Variants in MRPL38 observed in about 807,000 individuals in gnomAD.
MRPL38 encodes mitochondrial ribosomal protein L38, also known as large ribosomal subunit protein mL38.
A neutral mutation model predicts 52.1 loss-of-function variants in MRPL38; 51 were observed. That is an observed-to-expected ratio of 0.98 (90% CI 0.78 to 1.24). The LOEUF (loss-of-function observed/expected upper bound fraction) is 1.24, where lower values mean the gene tolerates loss of function less well. MRPL38 is among the 50% of genes most tolerant of loss of function. The pLI is 0.00. For missense variants in MRPL38, 527 were observed against 518.6 expected (o/e 1.02, Z -0.16); for synonymous variants, 245 against 212.7 (o/e 1.15, Z -1.32).
chr17:75,899,326 G>A (rs1432685459), intron 7 of MRPL38, 32 bp from the exon 8 acceptor site: 1 of 1,605,720 alleles, frequency 6.2e-7, no homozygotes, highest in Non-Finnish European at 8.5e-7. Flanking sequence ...ATGAGAGTGT[G>A]GAGTGGGGCA....
Position 75,899,693 on chromosome 17 carries a change from C to T in MRPL38, c.711-19G>A, listed in dbSNP as rs1302853415. The T allele has an allele frequency of 5.8e-6, 9 of 1,539,586 alleles. No individual in the cohort carries two copies. The South Asian group carries it at 6.3e-5, about 11-fold the overall frequency. ...GTTGGTTCTGGGAGGAGGAAAGTCC[C>T]GGTTAATTACCACTCCAGGGAGGCA... On this transcript the variant is annotated intron_variant, in intron 6 of 8. Transcript: ENST00000309352.
rs769657851 is a variant in MRPL38, at chr17:75,901,828, G to A, written c.475C>T (p.Arg159Ter). 12 of 1,613,470 alleles carry A rather than the reference G, an allele frequency of 7.4e-6. No individual in the cohort carries two copies. Among genetic ancestry groups the A allele is most frequent in the East Asian group, 2.2e-5 (1 of 44,866 alleles). Residue 159 changes from arginine (R) to a stop codon, truncating the protein, a stop_gained, in exon 4 of 9, where the codon CGA becomes TGA. Coordinates refer to ENST00000309352, the MANE Select transcript of MRPL38 (RefSeq NM_032478.4). LOFTEE classifies it high-confidence loss of function. The surrounding 1 kb of genome is among the most constrained non-coding windows in gnomAD (Gnocchi z 5.7). ...AAGGTGGCACCGTGGAACAGGTCTC[G>A]GTAGAGGCCGTAATACTCAGCCAGA... Reference protein sequence around the residue: ...QRLAEYYGLYRDLFHGATFVP... With the variant: ...QRLAEYYGLY
rs1254343137 is a variant in MRPL38 at position 75,904,634 on chromosome 17, G to C, written c.153C>G (p.Tyr51Ter). The C allele has an allele frequency of 6.3e-7, 1 of 1,595,548 alleles. No homozygotes were observed. Among genetic ancestry groups the C allele is most frequent in the Non-Finnish European group, 8.5e-7 (1 of 1,177,948 alleles). ...DLSNLERLEK[Y>*]RSFDRYRRRA... Reference sequence around the variant, plus strand: ...GGCGCCGGTAGCGGTCGAAGCTCCGGTACTTCTCCAGCCGCTCCAGGTTGC... The same window carrying C: ...GGCGCCGGTAGCGGTCGAAGCTCCGCTACTTCTCCAGCCGCTCCAGGTTGC... Residue 51 changes from tyrosine (Y) to a stop codon, truncating the protein, a stop_gained, in exon 2 of 9, where the codon TAC becomes TAG. Coordinates refer to ENST00000309352, the MANE Select transcript of MRPL38 (RefSeq NM_032478.4). LOFTEE classifies it high-confidence loss of function.
At chr17:75,902,261 A>T in intron 2 of MRPL38, 107 bp from the exon 3 acceptor site, 1 of 1,255,980 alleles carries the variant, frequency 8.0e-7, no homozygotes, top group Non-Finnish European at 1.1e-6. Flanking sequence ...ACACCATCTC[A>T]TCTGGCTAAT....
In MRPL38 at chr17:75,904,686, G is replaced by A. The variant is rs902081079; in HGVS notation, c.101C>T (p.Pro34Leu). The stretch of plus-strand genomic sequence containing the variant: ...CAAGTCGATGTCACTGTTGGGCATC[G>A]GCCCCAGCGGGGGTGTCCGGCGGCC... ...VLGRRTPPLGPMPNSDIDLSN... is the reference protein window; with the variant it reads ...VLGRRTPPLGLMPNSDIDLSN... Residue 34 changes from proline to leucine, a missense_variant, in exon 2 of 9, where the codon CCG becomes CTG. Pro to Leu is a moderately conservative substitution (Grantham distance 98). Coordinates refer to ENST00000309352, the MANE Select transcript of MRPL38 (RefSeq NM_032478.4). The A allele has an allele frequency of 7.5e-6, 12 of 1,595,024 alleles. No homozygotes were observed. Among genetic ancestry groups the A allele is most frequent in the Non-Finnish European group, 9.3e-6 (11 of 1,177,804 alleles).
Position 75,901,099 on chromosome 17 carries a change from C to T in MRPL38, c.665-72G>A. The T allele has an allele frequency of 6.3e-7, 1 of 1,592,758 alleles. No individual in the cohort carries two copies. The highest frequency in any genetic ancestry group is 8.5e-7 in the Non-Finnish European group (1 of 1,170,812). ...CTGCCACCCCCTCCCTTGTTAGGAG[C>T]CAGCGCTGGAGATCTCCACCTGGCC... On this transcript the variant is annotated intron_variant, in intron 5 of 8. Transcript: ENST00000309352. This position sits in a 1 kb window ranked among gnomAD's most constrained non-coding sequence, Gnocchi z 5.7.
At chr17:75,900,701 A>T in intron 6 of MRPL38, 1 of 1,169,364 alleles carries the variant, frequency 8.6e-7, no homozygotes, top group South Asian at 2.6e-5. Context: ...AGCCTGGGGG[A>T]CAGAGTGAGA....
chr17:75,904,419 T>TCCCAGCGTC, intron 2 of MRPL38, 121 bp downstream of exon 2: 1 of 1,102,120 alleles, frequency 9.1e-7, no homozygotes, highest in Non-Finnish European at 1.3e-6. Flanking sequence ...AGGCAGGCCC[T>TCCCAGCGTC]CCCAGCGTCC....
At chr17:75,902,197 C>G (rs529140575) in intron 2 of MRPL38, 43 bp from the exon 3 acceptor site, 1 of 1,543,354 alleles carries the variant, frequency 6.5e-7, no homozygotes, top group East Asian at 2.4e-5. Context: ...TCATGACTCA[C>G]TGCAGCCTTA....
chr17:75,900,642 G>T, intron 6 of MRPL38: 1 of 515,252 alleles, frequency 1.9e-6, no homozygotes, highest in Non-Finnish European at 2.7e-6. Flanking sequence ...GAGCACCTGA[G>T]CCCAGGAGTT....
rs1340366045 is a variant in MRPL38 at position 75,901,859 on chromosome 17, C to T, written c.444G>A (p.Lys148=). 4 of 1,610,580 alleles carry T rather than the reference C, an allele frequency of 2.5e-6. No homozygotes were observed. The highest frequency in any genetic ancestry group is 1.7e-5 in the Admixed American group (1 of 59,772). Residue 148 remains lysine, a synonymous_variant, in exon 4 of 9, where the codon AAG becomes AAA. Transcript: ENST00000309352. The surrounding 1 kb of genome is among the most constrained non-coding windows in gnomAD (Gnocchi z 5.7). ...EWERTCGPYH[K]QRLAEYYGLY... ...GGCCGTAATACTCAGCCAGACGCTG[C>T]TTGTGGTAGGGGCCACAGGTCCTCT... is the stretch of plus-strand genomic sequence containing the variant.
Position 75,901,119 on chromosome 17 carries a change from C to T in MRPL38, c.664+82G>A, listed in dbSNP as rs1052374881. 5.2e-5 allele frequency: 83 copies of T among 1,595,646 alleles called. 1 individual carries two copies. The Admixed American group carries it at 1.3e-3, about 26-fold the overall frequency. On this transcript the variant is annotated intron_variant, in intron 5 of 8. Coordinates refer to ENST00000309352, the MANE Select transcript of MRPL38 (RefSeq NM_032478.4). This position sits in a 1 kb window ranked among gnomAD's most constrained non-coding sequence, Gnocchi z 5.7. Reference sequence around the variant, plus strand: ...AGGAGCCAGCGCTGGAGATCTCCACCTGGCCCCTCCCCCAGCCCCCCAGGG... The same window carrying T: ...AGGAGCCAGCGCTGGAGATCTCCACTTGGCCCCTCCCCCAGCCCCCCAGGG...
At chr17:75,900,019 GAA>G in intron 6 of MRPL38, 1 of 175,834 alleles carries the variant, frequency 5.7e-6, no homozygotes, top group Non-Finnish European at 1.2e-5. Flanking sequence ...TCTGCGTCCT[GAA>G]GTCTCCAGGA....
Position 75,898,793 on chromosome 17 carries a change from G to T in MRPL38, c.*57C>A. ...CCACAGTGTGGGCCTCTGGAGCTGT[G>T]TCTTTACTCTTGCTGCCGATCAATC... On this transcript the variant is annotated 3_prime_UTR_variant, in exon 9 of 9. Transcript: ENST00000309352. 6.2e-7 allele frequency: 1 copy of T among 1,601,996 alleles called. No homozygotes were observed. Among genetic ancestry groups the T allele is most frequent in the Non-Finnish European group, 8.5e-7 (1 of 1,175,006 alleles).
chr17:75,902,500 G>C (rs1348904110), intron 2 of MRPL38, among the ~76,000 whole-genome samples: 2 of 152,164 alleles, frequency 1.3e-5, no homozygotes, highest in Admixed American at 1.3e-4. Flanking sequence ...TCCTGCCTCA[G>C]CCTCCTAAGT....
intron 6 of MRPL38, chr17:75,900,639 T>C (rs972770542): frequency 3.7e-5 from 18 of 484,664 alleles, no homozygotes; most frequent in Non-Finnish European, 4.7e-5. Flanking sequence ...GAAGAGCACC[T>C]GAGCCCAGGA....
intron 1 of MRPL38, 33 bp from the exon 2 acceptor site, chr17:75,904,752 C>T (rs1424442977): frequency 2.0e-6 from 3 of 1,497,700 alleles, no homozygotes; most frequent in African/African-American, 2.9e-5. Context: ...AGGCCGGCGC[C>T]CCACAGCTCG....
rs2144128623 is a variant in MRPL38 at position 75,898,831 on chromosome 17, A to G, written c.*19T>C. ...CTGCCGATCAATCCCATGCTCTGAA[A>G]TGCGCACACTCTGGCTCCTTAGTAG... is the stretch of plus-strand genomic sequence containing the variant. On this transcript the variant is annotated 3_prime_UTR_variant, in exon 9 of 9. Coordinates refer to ENST00000309352, the MANE Select transcript of MRPL38 (RefSeq NM_032478.4). 6.2e-7 allele frequency: 1 copy of G among 1,611,496 alleles called. No individual in the cohort carries two copies. The highest frequency in any genetic ancestry group is 1.7e-5 in the Admixed American group (1 of 59,824).
chr17:75,901,041 C>A lies in MRPL38; in HGVS notation c.665-14G>T, dbSNP rs2065401645. On this transcript the variant is annotated splice_polypyrimidine_tract_variant and intron_variant, in intron 5 of 8. Transcript: ENST00000309352. The surrounding 1 kb of genome is among the most constrained non-coding windows in gnomAD (Gnocchi z 5.7). ...GCAGGTGCCCATCTGCACAAAAACA[C>A]ACCTGCTGACCACGGCCCAGCCGAC... 6 of 1,611,030 alleles carry A rather than the reference C, an allele frequency of 3.7e-6. No homozygotes were observed. The South Asian group carries it at 5.5e-5, about 15-fold the overall frequency.
Sources: allele counts gnomAD v4.1 joint callset (sites outside exome capture counted in the v4.1 genomes callset), GRCh38; gene constraint gnomAD v4.1.1; non-coding constraint Gnocchi (gnomAD v3.1); transcripts MANE v1.5; gene names NCBI Gene and HGNC (gene_info 2026-07-23, HGNC 2026-07-21).